EIF4G3: variants seen among roughly 807,000 people sequenced by gnomAD.
EIF4G3 encodes the protein eukaryotic translation initiation factor 4 gamma 3, also known as eIF-4-gamma 3.
In EIF4G3, 34 loss-of-function variants were observed where a neutral mutation model predicts 186.4. That is an observed-to-expected ratio of 0.18 (90% CI 0.14 to 0.24). The LOEUF (loss-of-function observed/expected upper bound fraction) is 0.24, where lower values mean the gene tolerates loss of function less well. Ranked by LOEUF, EIF4G3 falls within the 10% of genes least tolerant of loss-of-function variation. The pLI is 1.00. For missense variants in EIF4G3, 1,536 were observed against 1,948.5 expected, an observed-to-expected ratio of 0.79 and a Z score of 3.99; for synonymous variants, 673 against 679.5, an observed-to-expected ratio of 0.99 and a Z score of 0.15.
chr1:21,014,669 C>CT (rs1344588282), intron 4 of EIF4G3, among the ~76,000 whole-genome samples: 1 of 135,012 alleles, frequency 7.4e-6, no homozygotes, highest in African/African-American at 2.8e-5. Context: ...GAGTCCTATG[C>CT]TGTCACCCTG....
At chr1:20,970,922 C>T (rs2154565651) in intron 11 of EIF4G3, among the ~76,000 whole-genome samples, 1 of 152,266 alleles carries the variant, frequency 6.6e-6, no homozygotes, top group South Asian at 2.1e-4. Context: ...TGAGATCACG[C>T]CACTGCACTC....
At chr1:21,085,121 A>G (rs996589749) in intron 3 of EIF4G3, among the ~76,000 whole-genome samples, 1 of 151,734 alleles carries the variant, frequency 6.6e-6, no homozygotes, top group African/African-American at 2.4e-5. Context: ...AATAAAGCAT[A>G]GGGTCTAAAA....
intron 3 of EIF4G3, among the ~76,000 whole-genome samples, chr1:21,075,171 A>G (rs980974261): frequency 1.3e-5 from 2 of 152,200 alleles, no homozygotes; most frequent in Non-Finnish European, 2.9e-5. Context: ...TATCAATAAT[A>G]ACCATGAATG....
At chr1:21,009,302 T>G (rs191388653) in intron 4 of EIF4G3, among the ~76,000 whole-genome samples, 1 of 152,172 alleles carries the variant, frequency 6.6e-6, no homozygotes, top group East Asian at 1.9e-4. Context: ...TGCCTCAGCC[T>G]CCAAGTAGCT....
chr1:20,924,099 T>C (rs1416184074), intron 14 of EIF4G3, among the ~76,000 whole-genome samples: 2 of 152,302 alleles, frequency 1.3e-5, no homozygotes, highest in East Asian at 3.9e-4. Flanking sequence ...TCCATGACAG[T>C]TTCCAGTTTG....
intron 4 of EIF4G3, among the ~76,000 whole-genome samples, chr1:21,034,979 C>A (rs948102789): frequency 6.6e-6 from 1 of 152,122 alleles, no homozygotes; most frequent in Admixed American, 6.5e-5. Flanking sequence ...CACCCCTGCC[C>A]TGGATGCCAG....
chr1:21,067,621 C>A (rs567883993), intron 3 of EIF4G3, among the ~76,000 whole-genome samples: 2 of 151,996 alleles, frequency 1.3e-5, no homozygotes, highest in South Asian at 4.1e-4. Flanking sequence ...TGTATAAATG[C>A]TTTTTAAGAA....
intron 2 of EIF4G3, among the ~76,000 whole-genome samples, chr1:21,123,509 G>A (rs370408429): frequency 1.3e-5 from 2 of 149,232 alleles, no homozygotes; most frequent in Admixed American, 6.8e-5. Context: ...AGGTTACAGT[G>A]GGCCAAGATT....
At chr1:21,143,961 TC>T (rs1354953394) in intron 2 of EIF4G3, among the ~76,000 whole-genome samples, 2 of 152,270 alleles carry the variant, frequency 1.3e-5, no homozygotes, top group African/African-American at 4.8e-5. Flanking sequence ...AAATGAGGTC[TC>T]CCTAAGTTGC....
chr1:21,050,483 A>C (rs143160575), intron 4 of EIF4G3, among the ~76,000 whole-genome samples: 2 of 152,358 alleles, frequency 1.3e-5, no homozygotes, highest in Non-Finnish European at 2.9e-5. Context: ...GAAGACACCA[A>C]GTTTTCACAT....
intron 10 of EIF4G3, 123 bp downstream of exon 10, chr1:20,980,211 T>TAGC (rs1472973508): frequency 6.0e-6 from 4 of 667,134 alleles, no homozygotes; most frequent in Non-Finnish European, 1.0e-5. Context: ...AAAGAACTGT[T>TAGC]AGCAGCATGT....
rs149774150 is a variant in EIF4G3 at position 21,025,240 on chromosome 1, C to T, written c.-66-22432G>A. On this transcript the variant is annotated intron_variant, in intron 4 of 36. Coordinates refer to ENST00000602326, the MANE Select transcript of EIF4G3 (RefSeq NM_001391906.1). ...TTAGATTAGGGCCAGACTAAAAAGACGGGTCAAGTAAGGACTTCGCCATGA... is the reference window on the plus strand; with the variant it reads ...TTAGATTAGGGCCAGACTAAAAAGATGGGTCAAGTAAGGACTTCGCCATGA... Among the ~76,000 whole-genome samples, 108 of 152,202 alleles carry T rather than the reference C, an allele frequency of 7.1e-4. 1 individual carries two copies. Among genetic ancestry groups the T allele is most frequent in the African/African-American group, 2.5e-3 (103 of 41,530 alleles).
rs1558540724 is a variant in EIF4G3, at chr1:20,980,389, CGGT to C, written c.435_437del (p.Pro146del). ...GTCCAGGATAAAAAGGACCTGGCCC[CGGT>C]GGTTGAACTGGATATTGTTGGGGGG... is the stretch of plus-strand genomic sequence containing the variant. On this transcript the variant is annotated inframe_deletion, in exon 10 of 37. Coordinates refer to ENST00000602326, the MANE Select transcript of EIF4G3 (RefSeq NM_001391906.1). The C allele has an allele frequency of 1.3e-6, 2 of 1,547,664 alleles. No individual in the cohort carries two copies. The highest frequency in any genetic ancestry group is 1.7e-6 in the Non-Finnish European group (2 of 1,158,480).
In EIF4G3 at chr1:20,899,716, A is replaced by G. The variant is rs2089658240; in HGVS notation, c.1980T>C (p.Val660=). 1 of 1,614,054 alleles carries G rather than the reference A, an allele frequency of 6.2e-7. No individual in the cohort carries two copies. The highest frequency in any genetic ancestry group is 8.5e-7 in the Non-Finnish European group (1 of 1,180,014). The change falls in exon 16 of 37, where the codon GTT becomes GTC. Residue 660 remains valine, a synonymous_variant. Coordinates refer to ENST00000602326, the MANE Select transcript of EIF4G3 (RefSeq NM_001391906.1). ...SGSTDSSGDG[V]TFPFKPESWK... is the part of the protein sequence containing the mutation. Reference sequence around the variant, plus strand: ...ACTTACCTGGTTTAAATGGAAATGTAACCCCATCACCAGAACTATCTGTGG... The same window carrying G: ...ACTTACCTGGTTTAAATGGAAATGTGACCCCATCACCAGAACTATCTGTGG...
intron 2 of EIF4G3, among the ~76,000 whole-genome samples, chr1:21,100,711 C>T (rs910488387): frequency 2.0e-4 from 31 of 151,980 alleles, no homozygotes; most frequent in African/African-American, 6.3e-4. Flanking sequence ...AGGCAGATCC[C>T]ATCTCTTACA....
At chr1:20,816,730 G>A (rs1286350541) in intron 34 of EIF4G3, among the ~76,000 whole-genome samples, 1 of 95,620 alleles carries the variant, frequency 1.0e-5, no homozygotes, top group South Asian at 4.5e-4. Context: ...CCACCACCCC[G>A]TCTGGGAGGT....
At chr1:20,896,646 T>C (rs772976628) in intron 16 of EIF4G3, among the ~76,000 whole-genome samples, 7 of 152,132 alleles carry the variant, frequency 4.6e-5, no homozygotes, top group Non-Finnish European at 7.3e-5. Flanking sequence ...TGCCCTAATG[T>C]TTATAAAATC....
intron 12 of EIF4G3, among the ~76,000 whole-genome samples, chr1:20,968,850 G>A (rs962505033): frequency 6.6e-6 from 1 of 152,002 alleles, no homozygotes; most frequent in Non-Finnish European, 1.5e-5. Flanking sequence ...CAAATACTAC[G>A]CCATTTTACA....
chr1:21,053,252 A>C (rs1318479686), intron 3 of EIF4G3, among the ~76,000 whole-genome samples: 1 of 128,834 alleles, frequency 7.8e-6, no homozygotes, highest in Non-Finnish European at 1.6e-5. Context: ...AAGTGAGGAG[A>C]CCCTCTGCCT....
Sources: allele counts gnomAD v4.1 joint callset (sites outside exome capture counted in the v4.1 genomes callset), GRCh38; gene constraint gnomAD v4.1.1; transcripts MANE v1.5; gene names NCBI Gene and HGNC (gene_info 2026-07-23, HGNC 2026-07-21).